ADGRF3: variants seen among roughly 807,000 people sequenced by gnomAD.
The protein encoded by ADGRF3 is G protein-coupled receptor 113.
In ADGRF3, 85 loss-of-function variants were observed where a neutral mutation model predicts 93.2. That is an observed-to-expected ratio of 0.91 (90% CI 0.77 to 1.09). The LOEUF (loss-of-function observed/expected upper bound fraction) is 1.09. ADGRF3 is among the 50% of genes least tolerant of loss of function. The probability of loss-of-function intolerance (pLI) is 0.00; values close to 1 mark genes in which losing one functional copy is unlikely to be tolerated. For synonymous variants in ADGRF3, 534 were observed against 532.5 expected, an observed-to-expected ratio of 1.00 and a Z score of -0.04; for missense variants, 1,125 against 1,246.2, an observed-to-expected ratio of 0.90 and a Z score of 1.46.
intron 1 of ADGRF3, among the ~76,000 whole-genome samples, chr2:26,334,553 A>G (rs112565707): frequency 0.025 from 3,828 of 151,918 alleles, 60 homozygotes; most frequent in East Asian, 0.045. Flanking sequence ...TTCTCAAAAC[A>G]CCCCTTTAGC....
At chr2:26,318,494 T>A (rs1354829041) in intron 1 of ADGRF3, among the ~76,000 whole-genome samples, 1 of 152,164 alleles carries the variant, frequency 6.6e-6, no homozygotes, top group Non-Finnish European at 1.5e-5. Flanking sequence ...AAGATAGATT[T>A]AAATTTAGCA....
Position 26,313,013 on chromosome 2 carries a change from A to G in ADGRF3, c.1379T>C (p.Leu460Pro). 6 of 1,614,010 alleles carry G rather than the reference A, an allele frequency of 3.7e-6. No homozygotes were observed. Among genetic ancestry groups the G allele is most frequent in the Non-Finnish European group, 4.2e-6 (5 of 1,179,876 alleles). Residue 460 changes from leucine to proline, a missense_variant, in exon 9 of 14, where the codon CTG (leucine) becomes CCG (proline). Transcript: ENST00000651242. ...CTTGGCCACGTATTTCATGGTGCTCAGCAGGGTCAGTAAGTCGGAGGGTGA... is the reference window on the plus strand; with the variant it reads ...CTTGGCCACGTATTTCATGGTGCTCGGCAGGGTCAGTAAGTCGGAGGGTGA... ...ASSPSDLLTL[L>P]STMKYVAKVV...
chr2:26,341,959 G>T (rs1031122196), intron 1 of ADGRF3, among the ~76,000 whole-genome samples: 3 of 151,870 alleles, frequency 2.0e-5, no homozygotes, highest in Non-Finnish European at 2.9e-5. Flanking sequence ...TGTAGTCCCA[G>T]CTACTTGGGA....
chr2:26,336,955 AAGAG>A (rs1163016292), intron 1 of ADGRF3, among the ~76,000 whole-genome samples: 9 of 152,114 alleles, frequency 5.9e-5, no homozygotes, highest in Admixed American at 2.0e-4. Flanking sequence ...GTTTGGAAGT[AAGAG>A]ATAGTTTATG....
At chr2:26,319,223 G>A (rs1324923809) in intron 1 of ADGRF3, 1 of 627,432 alleles carries the variant, frequency 1.6e-6, no homozygotes, top group East Asian at 2.9e-5. Context: ...GTCACTGTGG[G>A]GGCCACCTGG....
intron 1 of ADGRF3, among the ~76,000 whole-genome samples, chr2:26,341,331 T>TC (rs1398573877): frequency 6.6e-6 from 1 of 152,106 alleles, no homozygotes; most frequent in Non-Finnish European, 1.5e-5. Context: ...TTAGCCAAGA[T>TC]CGCGCCACTG....
At chr2:26,345,996 C>T (rs1169437444) in intron 1 of ADGRF3, 125 bp downstream of exon 1, 3 of 991,236 alleles carry the variant, frequency 3.0e-6, no homozygotes, top group African/African-American at 3.3e-5. Context: ...ACGGGCCGCT[C>T]GAGCGGGCTA....
chr2:26,318,261 T>A, intron 1 of ADGRF3: 7 of 600,702 alleles, frequency 1.2e-5, no homozygotes, highest in Non-Finnish European at 2.1e-5. Flanking sequence ...TGGATATCTA[T>A]CCAAAACCAG....
intron 1 of ADGRF3, among the ~76,000 whole-genome samples, chr2:26,320,312 C>T (rs956466778): frequency 2.0e-5 from 3 of 152,158 alleles, no homozygotes; most frequent in African/African-American, 7.2e-5. Context: ...GCCTGCCCAA[C>T]ATGGTGAAAC....
intron 9 of ADGRF3, among the ~76,000 whole-genome samples, chr2:26,312,731 C>A (rs1574699790): frequency 6.6e-6 from 1 of 152,342 alleles, no homozygotes; most frequent in South Asian, 2.1e-4. Context: ...CTGCCTCCAA[C>A]CCCCATGTGC....
chr2:26,316,733 G>A (rs912933354), intron 3 of ADGRF3, among the ~76,000 whole-genome samples, 179 bp downstream of exon 3: 2 of 152,260 alleles, frequency 1.3e-5, no homozygotes, highest in Non-Finnish European at 2.9e-5. Context: ...GGATGTGGCA[G>A]GCAAGGAAGG....
chr2:26,311,073 G>A lies in ADGRF3; in HGVS notation c.2451C>T (p.Leu817=), dbSNP rs1434030931. The A allele has an allele frequency of 2.5e-6, 4 of 1,607,342 alleles. No homozygotes were observed. Among genetic ancestry groups the A allele is most frequent in the Non-Finnish European group, 3.4e-6 (4 of 1,177,016 alleles). The part of the protein sequence containing the change: ...HQLAKHRVLP[L]MVLLGYLCPL... ...GGCACAGGTAGCCCAGGAGCACCAT[G>A]AGGGGGAGAACTCGGTGCTTTGCCA... The change falls in exon 10 of 14, where the codon CTC becomes CTT. Residue 817 remains leucine, a synonymous_variant. Coordinates refer to ENST00000651242, the MANE Select transcript of ADGRF3 (RefSeq NM_001321971.2).
In ADGRF3 at chr2:26,311,117, G is replaced by A. The variant is rs370049609; in HGVS notation, c.2407C>T (p.Leu803Phe). ...TTTGCCAGCTGGTGAAAGACAAAGAGCAGCTGGTGGGCCAACACCAGGGCC... is the reference window on the plus strand; with the variant it reads ...TTTGCCAGCTGGTGAAAGACAAAGAACAGCTGGTGGGCCAACACCAGGGCC... ...AQALVLAHQL[L>F]FVFHQLAKHR... Residue 803 changes from leucine to phenylalanine, a missense_variant, in exon 10 of 14, where the codon CTC (leucine) becomes TTC (phenylalanine). Physicochemically the swap from Leu to Phe is conservative, Grantham distance 22. Coordinates refer to ENST00000651242, the MANE Select transcript of ADGRF3 (RefSeq NM_001321971.2). 11 of 1,596,808 alleles carry A rather than the reference G, an allele frequency of 6.9e-6. No homozygotes were observed. The highest frequency in any genetic ancestry group is 4.5e-5 in the East Asian group (2 of 43,958).
At chr2:26,309,608 G>A (rs1348125916) in intron 12 of ADGRF3, 27 bp from the exon 13 acceptor site, 2 of 1,609,198 alleles carry the variant, frequency 1.2e-6, no homozygotes, top group South Asian at 2.2e-5. Context: ...AGGCCCAATT[G>A]CAGGGCAGTT....
Position 26,316,869 on chromosome 2 carries a change from C to A in ADGRF3, c.325+43G>T, listed in dbSNP as rs1416167122. 4 of 1,562,318 alleles carry A rather than the reference C, an allele frequency of 2.6e-6. No individual in the cohort carries two copies. In the South Asian group the frequency reaches 4.8e-5, roughly 19 times the overall value. ...AGCTGGCTGCAGGAGGCCCGGGAGC[C>A]TATGTTCATTCACTCTCAGCCCCCT... is the stretch of plus-strand genomic sequence containing the variant. On this transcript the variant is annotated intron_variant, in intron 3 of 13. Coordinates refer to ENST00000651242, the MANE Select transcript of ADGRF3 (RefSeq NM_001321971.2).
At chr2:26,317,987 G>C (rs1413446011) in intron 1 of ADGRF3, 1 of 1,498,162 alleles carries the variant, frequency 6.7e-7, no homozygotes, top group Non-Finnish European at 9.1e-7. Context: ...CTCCGTCTTT[G>C]GTTCCTGTAC....
At chr2:26,340,369 T>C (rs909279345) in intron 1 of ADGRF3, 1 of 152,222 alleles carries the variant, frequency 6.6e-6, no homozygotes. Context: ...CTTTACTCTC[T>C]TGTTCCACTT....
chr2:26,328,563 C>G (rs1181950542), intron 1 of ADGRF3, among the ~76,000 whole-genome samples: 1 of 151,068 alleles, frequency 6.6e-6, no homozygotes, highest in Non-Finnish European at 1.5e-5. Context: ...AAGCGATTCT[C>G]CTGCCTCAGC....
chr2:26,332,709 C>T (rs1212903003), intron 1 of ADGRF3, among the ~76,000 whole-genome samples: 1 of 152,164 alleles, frequency 6.6e-6, no homozygotes, highest in Non-Finnish European at 1.5e-5. Flanking sequence ...CACTGGTCTC[C>T]AGCCTGGACA....
Sources: allele counts gnomAD v4.1 joint callset (sites outside exome capture counted in the v4.1 genomes callset), GRCh38; gene constraint gnomAD v4.1.1; transcripts MANE v1.5; gene names NCBI Gene and HGNC (gene_info 2026-07-23, HGNC 2026-07-21).